Variants in POMGNT2 observed in about 807,000 individuals in gnomAD.
POMGNT2 encodes protein O-linked-mannose beta-1,4-N-acetylglucosaminyltransferase 2.
Under a neutral mutation model 37.8 loss-of-function variants are expected in POMGNT2, and 32 were observed. The observed-to-expected ratio is 0.85, with a 90% CI of 0.64 to 1.14. The LOEUF (loss-of-function observed/expected upper bound fraction) is 1.14. Ranked by LOEUF, POMGNT2 falls within the 50% of genes most tolerant of loss-of-function variation. The pLI, the probability that POMGNT2 is intolerant of heterozygous loss-of-function variation, is 0.00. For synonymous variants in POMGNT2, 340 were observed against 336.8 expected (o/e 1.01, Z -0.10); for missense variants, 705 against 780.6 (o/e 0.90, Z 1.15).
chr3:43,081,206 CTG>C lies in POMGNT2; in HGVS notation c.224_225del (p.Thr75ArgfsTer16). 6.2e-7 allele frequency: 1 copy of C among 1,614,130 alleles called. No individual in the cohort carries two copies. The highest frequency in any genetic ancestry group is 8.5e-7 in the Non-Finnish European group (1 of 1,180,032). Reference sequence around the variant, plus strand: ...AGCCACTTGAAGCGGCAGATGCGGTCTGTGTGCGTGCGGCCCGTGCACACCAT... The same window carrying C: ...AGCCACTTGAAGCGGCAGATGCGGTCTGTGCGTGCGGCCCGTGCACACCAT... The part of the protein sequence containing the change: ...THMVCTGRTH[T>X]DRICRFKWLC... On this transcript the variant is annotated frameshift_variant, in exon 2 of 2. Coordinates refer to ENST00000344697, the MANE Select transcript of POMGNT2 (RefSeq NM_032806.6). LOFTEE classifies it high-confidence loss of function.
intron 1 of POMGNT2, among the ~76,000 whole-genome samples, 178 bp downstream of exon 1, chr3:43,105,658 C>T (rs1185592570): frequency 6.6e-5 from 10 of 150,386 alleles, no homozygotes; most frequent in Admixed American, 6.6e-4. Flanking sequence ...TCGCTTCACA[C>T]GTCACCCCTC....
chr3:43,105,145 G>A (rs1365315838), intron 1 of POMGNT2, among the ~76,000 whole-genome samples: 2 of 152,200 alleles, frequency 1.3e-5, no homozygotes, highest in Non-Finnish European at 1.5e-5. Flanking sequence ...CCTGCACCTG[G>A]TGCAAGACTC....
At position 43,098,714 on chromosome 3, in the gene POMGNT2, T is replaced by C. The variant is rs543677706; in HGVS notation, c.-106+7122A>G. On this transcript the variant is annotated intron_variant, in intron 1 of 1. Coordinates refer to ENST00000344697, the MANE Select transcript of POMGNT2 (RefSeq NM_032806.6). This position sits in a 1 kb window ranked among gnomAD's most constrained non-coding sequence, Gnocchi z 4.3. ...TGATGACTGTGACTATATTGCCTTA[T>C]CAATAGAAAAGGAACCCCTTCAAAG... 2.3e-3 allele frequency among the ~76,000 whole-genome samples: 344 copies of C among 152,292 alleles called. No individual in the cohort carries two copies. Among genetic ancestry groups the C allele is most frequent in the Non-Finnish European group, 4.2e-3 (288 of 68,016 alleles).
intron 1 of POMGNT2, among the ~76,000 whole-genome samples, chr3:43,104,290 T>C (rs778900312): frequency 2.0e-5 from 3 of 152,230 alleles, no homozygotes; most frequent in Admixed American, 6.5e-5. Flanking sequence ...GGGGGGAAAG[T>C]ATCCCACTGA....
intron 1 of POMGNT2, among the ~76,000 whole-genome samples, chr3:43,094,153 C>T (rs892049539): frequency 1.3e-5 from 2 of 152,160 alleles, no homozygotes; most frequent in Admixed American, 6.5e-5. Context: ...CCCCTCCTCC[C>T]AACAACCTGC....
chr3:43,087,304 G>A (rs1262828317), intron 1 of POMGNT2, among the ~76,000 whole-genome samples: 1 of 152,202 alleles, frequency 6.6e-6, no homozygotes. Context: ...TGAAAAAGGG[G>A]TTCTGTGCTC....
At chr3:43,095,200 G>A (rs11919801) in intron 1 of POMGNT2, among the ~76,000 whole-genome samples, 16,838 of 152,274 alleles carry the variant, frequency 0.11, 1,227 homozygotes, top group Non-Finnish European at 0.15. Flanking sequence ...GGGCTGCCCA[G>A]ATGGAGTCTT....
At position 43,081,215 on chromosome 3, in the gene POMGNT2, T is replaced by A; in HGVS notation, c.217A>T (p.Thr73Ser). 6.2e-7 allele frequency: 1 copy of A among 1,614,054 alleles called. No individual in the cohort carries two copies. Among genetic ancestry groups the A allele is most frequent in the Non-Finnish European group, 8.5e-7 (1 of 1,180,026 alleles). Reference protein sequence around the residue: ...GGTHMVCTGRTHTDRICRFKW... With the variant: ...GGTHMVCTGRSHTDRICRFKW... ...AAGCGGCAGATGCGGTCTGTGTGCG[T>A]GCGGCCCGTGCACACCATGTGTGTG... The change falls in exon 2 of 2, where the codon ACG becomes TCG. Residue 73 changes from threonine (T) to serine (S), a missense_variant. Coordinates refer to ENST00000344697, the MANE Select transcript of POMGNT2 (RefSeq NM_032806.6).
At position 43,079,537 on chromosome 3, in the gene POMGNT2, C is replaced by T. The variant is rs78518984; in HGVS notation, c.*152G>A. ...CTTATCTCTAGGGCAAAGAGGAGTGCTGTGACACCACACCCCAGAGACAAC... is the reference window on the plus strand; with the variant it reads ...CTTATCTCTAGGGCAAAGAGGAGTGTTGTGACACCACACCCCAGAGACAAC... On this transcript the variant is annotated 3_prime_UTR_variant, in exon 2 of 2. Coordinates refer to ENST00000344697, the MANE Select transcript of POMGNT2 (RefSeq NM_032806.6). 14 of 663,760 alleles carry T rather than the reference C, an allele frequency of 2.1e-5. No individual in the cohort carries two copies. Among genetic ancestry groups the T allele is most frequent in the Non-Finnish European group, 2.8e-5 (11 of 396,924 alleles). The allele number at this position is 663,760 out of a possible 1,614,324, so 41.1% of individuals were successfully genotyped here.
intron 1 of POMGNT2, among the ~76,000 whole-genome samples, chr3:43,092,805 TAAAGA>T (rs576639750): frequency 6.6e-6 from 1 of 152,184 alleles, no homozygotes; most frequent in Non-Finnish European, 1.5e-5. Context: ...AGTAAAGAAT[TAAAGA>T]AATCACTATT....
At chr3:43,099,953 T>A (rs1486912307) in intron 1 of POMGNT2, among the ~76,000 whole-genome samples, 1 of 152,142 alleles carries the variant, frequency 6.6e-6, no homozygotes, top group African/African-American at 2.4e-5. Flanking sequence ...ATGGTAAAAA[T>A]CAAAGCTCAG....
intron 1 of POMGNT2, among the ~76,000 whole-genome samples, chr3:43,097,614 C>T (rs967086473): frequency 7.2e-5 from 11 of 152,036 alleles, no homozygotes; most frequent in African/African-American, 2.7e-4. Flanking sequence ...ATTAGGGCCC[C>T]ACCCTTATGA....
In POMGNT2 at chr3:43,098,425, A is replaced by C. The variant is rs551938451; in HGVS notation, c.-106+7411T>G. 6.6e-6 allele frequency among the ~76,000 whole-genome samples: 1 copy of C among 152,172 alleles called. No homozygotes were observed. Among genetic ancestry groups the C allele is most frequent in the Non-Finnish European group, 1.5e-5 (1 of 68,030 alleles). The stretch of plus-strand genomic sequence containing the variant: ...TAACATAATGCTTACATTTGCTCCT[A>C]AATTAAATATTAACCTAATGCTATT... On this transcript the variant is annotated intron_variant, in intron 1 of 1. Coordinates refer to ENST00000344697, the MANE Select transcript of POMGNT2 (RefSeq NM_032806.6). The surrounding 1 kb of genome is among the most constrained non-coding windows in gnomAD (Gnocchi z 4.3).
chr3:43,094,079 A>G (rs1044502945), intron 1 of POMGNT2, among the ~76,000 whole-genome samples: 4 of 152,138 alleles, frequency 2.6e-5, no homozygotes, highest in African/African-American at 9.7e-5. Context: ...CCAACAAGCA[A>G]TTGGGCAGTC....
intron 1 of POMGNT2, among the ~76,000 whole-genome samples, chr3:43,083,313 C>T (rs1355869778): frequency 6.6e-6 from 1 of 152,204 alleles, no homozygotes; most frequent in Non-Finnish European, 1.5e-5. Flanking sequence ...TGGCAACTTA[C>T]TGTTTAAAAA....
intron 1 of POMGNT2, among the ~76,000 whole-genome samples, chr3:43,088,875 G>A (rs2089919878): frequency 1.3e-5 from 2 of 152,354 alleles, no homozygotes; most frequent in East Asian, 3.9e-4. Context: ...GCTGAAGCCA[G>A]GTTGGGTTGG....
chr3:43,081,545 G>T lies in POMGNT2; in HGVS notation c.-105-9C>A. On this transcript the variant is annotated splice_polypyrimidine_tract_variant and intron_variant, in intron 1 of 1. Coordinates refer to ENST00000344697, the MANE Select transcript of POMGNT2 (RefSeq NM_032806.6). ...TGAGAACTGGTGAAAGCCTGCAGGA[G>T]GAGAGAAGGAAAAGAAAAAGGAATT... The T allele has an allele frequency of 1.1e-6, 1 of 914,040 alleles. No homozygotes were observed. Among genetic ancestry groups the T allele is most frequent in the Non-Finnish European group, 1.6e-6 (1 of 621,108 alleles). The allele number at this position is 914,040 out of a possible 1,614,324, so 56.6% of individuals were successfully genotyped here.
chr3:43,089,950 G>A (rs1212695600), intron 1 of POMGNT2, among the ~76,000 whole-genome samples: 2 of 152,116 alleles, frequency 1.3e-5, no homozygotes, highest in East Asian at 1.9e-4. Flanking sequence ...AACACGGGCT[G>A]AGAACTTCTG....
intron 1 of POMGNT2, among the ~76,000 whole-genome samples, chr3:43,099,150 C>G (rs1457590466): frequency 6.6e-6 from 1 of 152,180 alleles, no homozygotes; most frequent in African/African-American, 2.4e-5. Context: ...GAAAACAATT[C>G]TTACAGGGAA....
Sources: gnomAD v4.1 joint callset for allele counts (sites outside exome capture counted in the v4.1 genomes callset) on GRCh38, gnomAD v4.1.1 for gene constraint, Gnocchi (gnomAD v3.1) non-coding constraint, MANE v1.5 for transcripts, NCBI Gene and HGNC (gene_info 2026-07-23, HGNC 2026-07-21) for gene names.